Variants in ARHGAP29 observed in about 807,000 individuals in gnomAD.
ARHGAP29 encodes the protein Rho GTPase activating protein 29.
ARHGAP29 carries 43 observed loss-of-function variants against 122.6 expected under a neutral mutation model. That is an observed-to-expected ratio of 0.35 (90% CI 0.27 to 0.45). ARHGAP29 has a LOEUF of 0.45. ARHGAP29 is among the 20% of genes least tolerant of loss of function. The pLI, the probability that ARHGAP29 is intolerant of heterozygous loss-of-function variation, is 1.00. For missense variants in ARHGAP29, 1,303 were observed against 1,477.2 expected (o/e 0.88, Z 1.93); for synonymous variants, 506 against 497.1 (o/e 1.02, Z -0.24).
At chr1:94,186,691 A>G in intron 15 of ARHGAP29, 94 bp from the exon 16 acceptor site, 1 of 904,494 alleles carries the variant, frequency 1.1e-6, no homozygotes, top group East Asian at 2.6e-5. Context: ...ACGTCATACT[A>G]TTTTATTAGC....
At chr1:94,200,398 T>C (rs1347103801) in intron 12 of ARHGAP29, among the ~76,000 whole-genome samples, 2 of 152,162 alleles carry the variant, frequency 1.3e-5, no homozygotes, top group African/African-American at 4.8e-5. Context: ...CAACGACTGA[T>C]ACATGTCAAG....
At chr1:94,227,555 C>T (rs1206712824) in intron 2 of ARHGAP29, among the ~76,000 whole-genome samples, 2 of 151,704 alleles carry the variant, frequency 1.3e-5, no homozygotes, top group Non-Finnish European at 1.5e-5. Context: ...TTAATATTTC[C>T]AAGCACTGAG....
intron 2 of ARHGAP29, among the ~76,000 whole-genome samples, chr1:94,228,501 C>A (rs1652742790): frequency 6.6e-6 from 1 of 151,736 alleles, no homozygotes; most frequent in Non-Finnish European, 1.5e-5. Flanking sequence ...GATTCTGATT[C>A]TCTTTTCAGA....
At chr1:94,302,684 C>A in the ARHGAP29 span, 2 of 445,476 alleles carry the variant, frequency 4.5e-6, no homozygotes, top group South Asian at 1.6e-5. Context: ...AGGTCATCCC[C>A]AAGCCGAACA....
upstream of ARHGAP29, among the ~76,000 whole-genome samples, chr1:94,239,622 C>A (rs779019761): frequency 6.6e-6 from 1 of 151,206 alleles, no homozygotes; most frequent in African/African-American, 2.4e-5. Context: ...TAAGGGGAAG[C>A]AGAGAAAGAA....
At chr1:94,244,222 AC>A (rs1463305334) in intron 1 of ARHGAP29, among the ~76,000 whole-genome samples, 1 of 139,864 alleles carries the variant, frequency 7.1e-6, no homozygotes, top group Non-Finnish European at 1.6e-5. Context: ...AAAACCACAC[AC>A]AAAAAAAACA....
chr1:94,309,779 G>A, the ARHGAP29 span, among the ~76,000 whole-genome samples: 2 of 152,162 alleles, frequency 1.3e-5, no homozygotes, highest in Non-Finnish European at 1.5e-5. Context: ...GTTACAACCA[G>A]AGGGCAGAAG....
intron 1 of ARHGAP29, among the ~76,000 whole-genome samples, chr1:94,270,851 A>C (rs1452665745): frequency 6.6e-6 from 1 of 152,228 alleles, no homozygotes; most frequent in Non-Finnish European, 1.5e-5. Context: ...TTGAATACCC[A>C]CTTTGTGAAG....
chr1:94,265,535 A>G (rs1654737266), intron 1 of ARHGAP29, among the ~76,000 whole-genome samples: 1 of 152,232 alleles, frequency 6.6e-6, no homozygotes, highest in Non-Finnish European at 1.5e-5. Flanking sequence ...AAAGTGGATA[A>G]TAGGGGCAGC....
the ARHGAP29 span, among the ~76,000 whole-genome samples, chr1:94,311,049 C>T: frequency 1.3e-5 from 2 of 152,162 alleles, no homozygotes; most frequent in African/African-American, 4.8e-5. Context: ...ATGGGGACAC[C>T]TTCCTTGCCT....
At chr1:94,306,365 A>G in the ARHGAP29 span, among the ~76,000 whole-genome samples, 1 of 152,216 alleles carries the variant, frequency 6.6e-6, no homozygotes, top group Non-Finnish European at 1.5e-5. Flanking sequence ...TATGATATCC[A>G]TGGATGTGCC....
chr1:94,309,959 G>A, the ARHGAP29 span, among the ~76,000 whole-genome samples: 1 of 152,166 alleles, frequency 6.6e-6, no homozygotes, highest in Non-Finnish European at 1.5e-5. Flanking sequence ...GTAAACATTT[G>A]TGGTTGCTGA....
intron 1 of ARHGAP29, among the ~76,000 whole-genome samples, chr1:94,262,741 C>A (rs577943536): frequency 2.0e-5 from 3 of 151,958 alleles, no homozygotes; most frequent in Non-Finnish European, 4.4e-5. Flanking sequence ...ACTAAAAAGT[C>A]AAAAAAATGA....
At chr1:94,289,986 C>G in the ARHGAP29 span, among the ~76,000 whole-genome samples, 1 of 152,158 alleles carries the variant, frequency 6.6e-6, no homozygotes, top group Non-Finnish European at 1.5e-5. Flanking sequence ...GCTTTGGTAT[C>G]AGGATGATGC....
chr1:94,298,316 G>C, the ARHGAP29 span, among the ~76,000 whole-genome samples: 1 of 152,064 alleles, frequency 6.6e-6, no homozygotes, highest in Non-Finnish European at 1.5e-5. Flanking sequence ...AAATATAAAT[G>C]GTCTACATAA....
At chr1:94,211,667 T>C (rs1651628723) in intron 3 of ARHGAP29, among the ~76,000 whole-genome samples, 1 of 152,208 alleles carries the variant, frequency 6.6e-6, no homozygotes, top group African/African-American at 2.4e-5. Context: ...TGTGACAACA[T>C]GAAATTAAAT....
At chr1:94,288,555 G>A in the ARHGAP29 span, among the ~76,000 whole-genome samples, 1 of 152,138 alleles carries the variant, frequency 6.6e-6, no homozygotes, top group East Asian at 1.9e-4. Flanking sequence ...TGGTGTTTTA[G>A]TCATGAAGTC....
chr1:94,189,800 T>C, intron 13 of ARHGAP29, 126 bp downstream of exon 13: 4 of 843,458 alleles, frequency 4.7e-6, no homozygotes, highest in Non-Finnish European at 7.3e-6. Context: ...CATAAAATAA[T>C]ATTTAAAGAA....
intron 1 of ARHGAP29, among the ~76,000 whole-genome samples, chr1:94,269,186 G>C (rs567114339): frequency 1.3e-5 from 2 of 152,158 alleles, no homozygotes; most frequent in Non-Finnish European, 2.9e-5. Context: ...AGCCCTGACT[G>C]GATTCATTTG....
Sources: gnomAD v4.1 joint callset for allele counts (sites outside exome capture counted in the v4.1 genomes callset) on GRCh38, gnomAD v4.1.1 for gene constraint, MANE v1.5 for transcripts, NCBI Gene and HGNC (gene_info 2026-07-23, HGNC 2026-07-21) for gene names.